Variants in DMD observed in about 807,000 individuals in gnomAD.
DMD encodes the protein dystrophin, also known as mutant dystrophin.
DMD carries 63 observed loss-of-function variants against 330.1 expected under a neutral mutation model. That is an observed-to-expected ratio of 0.19 (90% CI 0.16 to 0.24). DMD has a LOEUF of 0.24. Ranked by LOEUF, DMD falls within the 10% of genes least tolerant of loss-of-function variation. The probability of loss-of-function intolerance (pLI) is 1.00; values close to 1 mark genes in which losing one functional copy is unlikely to be tolerated. For missense variants in DMD, 3,344 were observed against 2,684.1 expected (o/e 1.25, Z -5.43); for synonymous variants, 1,223 against 959.8 (o/e 1.27, Z -5.07).
intron 2 of DMD, among the ~76,000 whole-genome samples, chrX:32,928,477 A>G (rs1466361224): frequency 9.0e-6 from 1 of 111,515 alleles, no homozygotes; most frequent in Non-Finnish European, 1.9e-5. Context: ...ATACGTAGGT[A>G]TGTGTGATTT....
intron 25 of DMD, 104 bp from the exon 26 acceptor site, chrX:32,454,936 G>A: frequency 1.0e-6 from 1 of 966,807 alleles, no homozygotes; most frequent in Non-Finnish European, 1.4e-6. Flanking sequence ...AGATAGTAAT[G>A]ATAAAGAAGT....
intron 42 of DMD, among the ~76,000 whole-genome samples, chrX:32,287,983 A>T (rs2097450059): frequency 9.1e-6 from 1 of 110,131 alleles, no homozygotes; most frequent in South Asian, 3.9e-4. Context: ...CCTTTGCTGG[A>T]TCCTTCTCAT....
At chrX:31,682,008 G>A (rs1202435168) in intron 52 of DMD, among the ~76,000 whole-genome samples, 2 of 111,945 alleles carry the variant, frequency 1.8e-5, no homozygotes, top group Non-Finnish European at 3.8e-5. Flanking sequence ...TTGAACCCGG[G>A]AGGCAGAGGT....
At chrX:31,350,248 C>G (rs984511346) in intron 60 of DMD, among the ~76,000 whole-genome samples, 4 of 111,302 alleles carry the variant, frequency 3.6e-5, no homozygotes, top group Non-Finnish European at 7.5e-5. Flanking sequence ...TGCTCCTTCT[C>G]TCGGCAATGC....
chrX:32,774,040 A>G lies in DMD; in HGVS notation c.649+35453T>C, dbSNP rs188705774. 3.9e-3 allele frequency among the ~76,000 whole-genome samples: 438 copies of G among 111,523 alleles called. 1 individual carries two copies. Among genetic ancestry groups the G allele is most frequent in the Non-Finnish European group, 6.1e-3 (325 of 53,124 alleles). The stretch of plus-strand genomic sequence containing the variant: ...AGGAACATAGGAAAGTCGGTTTAAG[A>G]TAAATGGGCCCCTAGAAAGATACAC... On this transcript the variant is annotated intron_variant, in intron 7 of 78. Transcript: ENST00000357033.
At chrX:32,908,261 G>A (rs987859982) in intron 2 of DMD, among the ~76,000 whole-genome samples, 3 of 111,520 alleles carry the variant, frequency 2.7e-5, no homozygotes, top group Non-Finnish European at 3.8e-5. Flanking sequence ...TTAATCTCCT[G>A]TTCTACCATG....
At position 31,510,571 on chromosome X, in the gene DMD, G is replaced by A. The variant is rs773717440; in HGVS notation, c.8218-3118C>T. ...CACCCAGGCTGGAGCACAGTGGCGCGATCTTGGCTCACTGCAAGCTCCGCC... is the reference window on the plus strand; with the variant it reads ...CACCCAGGCTGGAGCACAGTGGCGCAATCTTGGCTCACTGCAAGCTCCGCC... On this transcript the variant is annotated intron_variant, in intron 55 of 78. Transcript: ENST00000357033. Among the ~76,000 whole-genome samples the A allele has an allele frequency of 3.0e-3, 298 of 100,153 alleles. 2 individuals are homozygous for A. Among genetic ancestry groups the A allele is most frequent in the African/African-American group, 0.01 (276 of 26,396 alleles). The allele number at this position is 100,153 out of a possible 115,157, so 87.0% of individuals were successfully genotyped here. A position where few individuals can be genotyped will look rare whatever the true frequency, so the allele number is the denominator to read the frequency against.
At chrX:31,906,128 C>G (rs1251180644) in intron 47 of DMD, among the ~76,000 whole-genome samples, 1 of 111,191 alleles carries the variant, frequency 9.0e-6, no homozygotes, top group Non-Finnish European at 1.9e-5. Flanking sequence ...CTCACGAGGT[C>G]TGATGGTTTT....
intron 34 of DMD, 46 bp downstream of exon 34, chrX:32,380,464 T>C (rs371052308): frequency 9.0e-7 from 1 of 1,115,733 alleles, no homozygotes; most frequent in South Asian, 1.8e-5. Flanking sequence ...TCATATTATG[T>C]GTTTTCACGT....
intron 44 of DMD, among the ~76,000 whole-genome samples, chrX:32,054,182 G>A (rs2096144546): frequency 9.9e-6 from 1 of 101,443 alleles, no homozygotes; most frequent in South Asian, 4.6e-4. Flanking sequence ...AGCATAAGGA[G>A]GTATTTTCTT....
chrX:33,141,328 G>T (rs945685179), intron 1 of DMD, among the ~76,000 whole-genome samples: 3 of 111,232 alleles, frequency 2.7e-5, no homozygotes, highest in African/African-American at 9.8e-5. Context: ...AGGTCACAGA[G>T]CTCAGCAAAT....
At chrX:32,669,792 T>G (rs1185028167) in intron 9 of DMD, among the ~76,000 whole-genome samples, 1 of 111,333 alleles carries the variant, frequency 9.0e-6, no homozygotes, top group African/African-American at 3.3e-5. Flanking sequence ...AACACATGAC[T>G]TGTTATTCAA....
intron 12 of DMD, among the ~76,000 whole-genome samples, chrX:32,613,920 G>T (rs1039176776): frequency 9.0e-6 from 1 of 110,920 alleles, no homozygotes; most frequent in Non-Finnish European, 1.9e-5. Flanking sequence ...GGAAATCCAA[G>T]ATCAAGATGT....
At chrX:32,560,194 AAAT>A (rs1029445210) in intron 16 of DMD, among the ~76,000 whole-genome samples, 38 of 109,117 alleles carry the variant, frequency 3.5e-4, no homozygotes, top group African/African-American at 1.2e-3. Flanking sequence ...TTGAAAAAAA[AAAT>A]ATATATATAT....
At chrX:31,569,654 A>ATACGTGTATATACGTG (rs1556698916) in intron 55 of DMD, among the ~76,000 whole-genome samples, 32 of 101,210 alleles carry the variant, frequency 3.2e-4, no homozygotes, top group African/African-American at 1.2e-3. Flanking sequence ...ATATACGTAT[A>ATACGTGTATATACGTG]TATACGTATA....
At chrX:32,087,583 C>T (rs965050351) in intron 44 of DMD, among the ~76,000 whole-genome samples, 3 of 111,692 alleles carry the variant, frequency 2.7e-5, no homozygotes, top group Admixed American at 9.5e-5. Flanking sequence ...GATATTGACC[C>T]GCTAGTCCGA....
intron 60 of DMD, among the ~76,000 whole-genome samples, chrX:31,418,949 G>GT (rs1002092413): frequency 1.8e-5 from 2 of 109,509 alleles, no homozygotes; most frequent in African/African-American, 3.3e-5. Flanking sequence ...CTTTTTTTTT[G>GT]TTTTTTGTTT....
At chrX:31,984,054 G>C (rs2095494374) in intron 44 of DMD, among the ~76,000 whole-genome samples, 2 of 111,609 alleles carry the variant, frequency 1.8e-5, no homozygotes, top group Non-Finnish European at 3.8e-5. Context: ...AAAAAAATCG[G>C]CAAGTTGTAC....
chrX:32,133,334 T>C (rs1452352676), intron 44 of DMD, among the ~76,000 whole-genome samples: 3 of 110,838 alleles, frequency 2.7e-5, no homozygotes, highest in Non-Finnish European at 5.7e-5. Context: ...TCCTGTGCTG[T>C]TTTCTCCTTT....
Sources: gnomAD v4.1 joint callset for allele counts (sites outside exome capture counted in the v4.1 genomes callset) on GRCh38, gnomAD v4.1.1 for gene constraint, MANE v1.5 for transcripts, NCBI Gene and HGNC (gene_info 2026-07-23, HGNC 2026-07-21) for gene names.